DDI2: variants seen among roughly 807,000 people sequenced by gnomAD.
DDI2 encodes the protein protein DDI1 homolog 2.
In DDI2, 5 loss-of-function variants were observed where a neutral mutation model predicts 48.1. The observed-to-expected ratio is 0.10, with a 90% CI of 0.05 to 0.22. The LOEUF (loss-of-function observed/expected upper bound fraction) is 0.22, where lower values mean the gene tolerates loss of function less well. DDI2 is among the 10% of genes least tolerant of loss of function. The pLI is 1.00. For missense variants in DDI2, 285 were observed against 506.2 expected, an observed-to-expected ratio of 0.56 and a Z score of 4.19; for synonymous variants, 205 against 183.6, an observed-to-expected ratio of 1.12 and a Z score of -0.94.
At position 15,635,220 on chromosome 1, in the gene DDI2, C is replaced by T. The variant is rs1359689359; in HGVS notation, c.632+1655C>T. On this transcript the variant is annotated intron_variant, in intron 4 of 9. Transcript: ENST00000480945. ...TTCCAACCTGGGCAAGAGAGTGAGA[C>T]CCCCATCTTAGGAAAAAAAAAAAAA... 1.4e-5 allele frequency among the ~76,000 whole-genome samples: 2 copies of T among 143,246 alleles called. 1 individual carries two copies. Among genetic ancestry groups the T allele is most frequent in the African/African-American group, 5.6e-5 (2 of 35,786 alleles). The allele number at this position is 143,246 out of a possible 152,430, so 94.0% of individuals were successfully genotyped here.
intron 4 of DDI2, chr1:15,633,879 G>C (rs1211687754): frequency 6.6e-6 from 3 of 454,814 alleles, no homozygotes; most frequent in African/African-American, 6.0e-5. Flanking sequence ...GCCACCATCT[G>C]GTGAGACCAC....
At chr1:15,643,696 G>A (rs748011862) in intron 6 of DDI2, 46 bp downstream of exon 6, 1 of 1,589,742 alleles carries the variant, frequency 6.3e-7, no homozygotes. Context: ...TAGGCTATTT[G>A]TAGGTAGGGT....
rs1640337912 is a variant in DDI2, at chr1:15,660,004, G to A, written c.*214G>A. The A allele has an allele frequency of 1.2e-6, 2 of 1,614,174 alleles. No individual in the cohort carries two copies. Among genetic ancestry groups the A allele is most frequent in the South Asian group, 1.1e-5 (1 of 91,074 alleles). On this transcript the variant is annotated 3_prime_UTR_variant, in exon 10 of 10. Transcript: ENST00000480945. The stretch of plus-strand genomic sequence containing the variant: ...CTGCCCTATCAAGCCCAGTGACTCA[G>A]ATCGCATTGAACCTAAAGCTGTGAA...
chr1:15,626,355 G>C (rs1215354637), intron 1 of DDI2, among the ~76,000 whole-genome samples: 1 of 152,006 alleles, frequency 6.6e-6, no homozygotes, highest in Non-Finnish European at 1.5e-5. Flanking sequence ...AGACGTAAAA[G>C]GAAAAAAATG....
rs546521353 is a variant in DDI2 at position 15,668,250 on chromosome 1, C to G, written c.*8460C>G. The G allele has an allele frequency of 1.3e-5, 2 of 152,094 alleles. No homozygotes were observed. Among genetic ancestry groups the G allele is most frequent in the African/African-American group, 4.8e-5 (2 of 41,406 alleles). The allele number at this position is 152,094 out of a possible 1,614,324, so 9.4% of individuals were successfully genotyped here. ...ATTTCCTTCCCGAGGCAGGCTGATTCGTTTCCTGATTCCTTCTGTCTGAGA... is the reference window on the plus strand; with the variant it reads ...ATTTCCTTCCCGAGGCAGGCTGATTGGTTTCCTGATTCCTTCTGTCTGAGA... On this transcript the variant is annotated 3_prime_UTR_variant, in exon 10 of 10. Transcript: ENST00000480945.
At chr1:15,651,599 A>C in intron 7 of DDI2, 107 bp from the exon 8 acceptor site, 2 of 1,052,304 alleles carry the variant, frequency 1.9e-6, no homozygotes, top group Non-Finnish European at 2.7e-6. Context: ...GATTACAGGC[A>C]TGAGTCACCG....
chr1:15,622,891 C>T (rs1380175303), intron 1 of DDI2, among the ~76,000 whole-genome samples: 2 of 152,194 alleles, frequency 1.3e-5, no homozygotes, highest in African/African-American at 4.8e-5. Flanking sequence ...AAATGGAGCA[C>T]AGCTGCTGCT....
At chr1:15,620,515 C>T (rs748437938) in intron 1 of DDI2, among the ~76,000 whole-genome samples, 5 of 152,072 alleles carry the variant, frequency 3.3e-5, no homozygotes, top group Non-Finnish European at 7.4e-5. Flanking sequence ...TGTTTACATT[C>T]TCCATTCCCA....
In DDI2 at chr1:15,630,190, G is replaced by A. The variant is rs953374516; in HGVS notation, c.269-135G>A. The stretch of plus-strand genomic sequence containing the variant: ...GTCTTTATATTCAGAGTCATCATGA[G>A]AAAGAACAAGGTTAAAGTCTACAGT... On this transcript the variant is annotated intron_variant, in intron 2 of 9. Coordinates refer to ENST00000480945, the MANE Select transcript of DDI2 (RefSeq NM_032341.5). The A allele has an allele frequency of 3.8e-5, 30 of 794,720 alleles. No homozygotes were observed. In the East Asian group the frequency reaches 6.9e-4, roughly 18 times the overall value. The allele number at this position is 794,720 out of a possible 1,614,324, so 49.2% of individuals were successfully genotyped here.
At position 15,654,533 on chromosome 1, in the gene DDI2, A is replaced by G. The variant is rs551591236; in HGVS notation, c.1184-2084A>G. On this transcript the variant is annotated intron_variant, in intron 8 of 9. Coordinates refer to ENST00000480945, the MANE Select transcript of DDI2 (RefSeq NM_032341.5). ...ATTAGCCAGCCATGGTGGCGCGCCTATGGTCTCAGCTGTTTGAGAGGCTGA... is the reference window on the plus strand; with the variant it reads ...ATTAGCCAGCCATGGTGGCGCGCCTGTGGTCTCAGCTGTTTGAGAGGCTGA... 3.3e-5 allele frequency among the ~76,000 whole-genome samples: 5 copies of G among 151,892 alleles called. No homozygotes were observed. In the South Asian group the frequency reaches 6.2e-4, roughly 19 times the overall value.
At chr1:15,651,303 G>A (rs1236070563) in intron 7 of DDI2, among the ~76,000 whole-genome samples, 2 of 152,346 alleles carry the variant, frequency 1.3e-5, no homozygotes, top group Non-Finnish European at 2.9e-5. Context: ...TGTCTATTAA[G>A]TAGTTATAAA....
intron 8 of DDI2, among the ~76,000 whole-genome samples, chr1:15,654,653 T>C (rs1476374631): frequency 1.4e-5 from 2 of 140,146 alleles, no homozygotes; most frequent in Non-Finnish European, 3.1e-5. Flanking sequence ...TGAGATCCTG[T>C]GTCCAAAAAA....
rs1366090206 is a variant in DDI2, at chr1:15,661,334, G to A, written c.*1544G>A. On this transcript the variant is annotated 3_prime_UTR_variant, in exon 10 of 10. Coordinates refer to ENST00000480945, the MANE Select transcript of DDI2 (RefSeq NM_032341.5). ...TCCAATCAGTTACACTGCACCTTAG[G>A]TGTAGAAATTTCACCCAAACTTTTA... 1 of 1,614,052 alleles carries A rather than the reference G, an allele frequency of 6.2e-7. No individual in the cohort carries two copies. Among genetic ancestry groups the A allele is most frequent in the South Asian group, 1.1e-5 (1 of 91,068 alleles).
chr1:15,644,479 C>T (rs1263025602), intron 6 of DDI2, among the ~76,000 whole-genome samples: 1 of 151,844 alleles, frequency 6.6e-6, no homozygotes, highest in African/African-American at 2.4e-5. Flanking sequence ...AATTTCGAGG[C>T]ATTGCCCCTT....
At chr1:15,626,644 T>TCA in intron 1 of DDI2, 25 bp from the exon 2 acceptor site, 2 of 1,614,088 alleles carry the variant, frequency 1.2e-6, no homozygotes, top group Non-Finnish European at 1.7e-6. Flanking sequence ...TGCTTTATAC[T>TCA]GTTGTATATC....
rs1043256565 is a variant in DDI2 at position 15,661,962 on chromosome 1, A to G, written c.*2172A>G. 1.6e-5 allele frequency: 7 copies of G among 448,416 alleles called. No homozygotes were observed. Among genetic ancestry groups the G allele is most frequent in the South Asian group, 4.9e-5 (1 of 20,426 alleles). 27.8% of individuals were successfully genotyped at this position (448,416 alleles called of 1,614,324 possible). A position where few individuals can be genotyped will look rare whatever the true frequency, so the allele number is the denominator to read the frequency against. On this transcript the variant is annotated 3_prime_UTR_variant, in exon 10 of 10. Transcript: ENST00000480945. ...AGGCCTTTTTAAATGTATTGGCAGT[A>G]TGTGCATACAGAAGCTTTTTATTCT...
rs1347088341 is a variant in DDI2, at chr1:15,667,644, C to G, written c.*7854C>G. 1.3e-5 allele frequency: 2 copies of G among 152,254 alleles called. No homozygotes were observed. Among genetic ancestry groups the G allele is most frequent in the African/African-American group, 4.8e-5 (2 of 41,462 alleles). 9.4% of individuals were successfully genotyped at this position (152,254 alleles called of 1,614,324 possible). On this transcript the variant is annotated 3_prime_UTR_variant, in exon 10 of 10. Transcript: ENST00000480945. ...AGGATTGACAGGAGTATTTGAGGCT[C>G]TACCAGGCCTGTCTACAGGACAGCT...
In DDI2 at chr1:15,666,897, C is replaced by T. The variant is rs1367781148; in HGVS notation, c.*7107C>T. 3 of 152,162 alleles carry T rather than the reference C, an allele frequency of 2.0e-5. 1 individual carries two copies. Among genetic ancestry groups the T allele is most frequent in the African/African-American group, 7.2e-5 (3 of 41,426 alleles). 9.4% of individuals were successfully genotyped at this position (152,162 alleles called of 1,614,324 possible). ...TACAATGGAATCAGATGCTGTGGGC[C>T]TAAAACAGCTCTTTAAAAATCTATT... On this transcript the variant is annotated 3_prime_UTR_variant, in exon 10 of 10. Coordinates refer to ENST00000480945, the MANE Select transcript of DDI2 (RefSeq NM_032341.5).
intron 4 of DDI2, among the ~76,000 whole-genome samples, chr1:15,634,485 A>G (rs1050794615): frequency 6.6e-5 from 10 of 150,656 alleles, no homozygotes; most frequent in African/African-American, 1.7e-4. Flanking sequence ...GTATTACACT[A>G]TCTATCAACT....
Sources: gnomAD v4.1 joint callset for allele counts (sites outside exome capture counted in the v4.1 genomes callset) on GRCh38, gnomAD v4.1.1 for gene constraint, MANE v1.5 for transcripts, NCBI Gene and HGNC (gene_info 2026-07-23, HGNC 2026-07-21) for gene names.